CNTNAP5: variants seen among roughly 807,000 people sequenced by gnomAD.
CNTNAP5 encodes the protein contactin-associated protein-like 5.
In CNTNAP5, 72 loss-of-function variants were observed where a neutral mutation model predicts 150.2. The observed-to-expected ratio is 0.48, with a 90% CI of 0.40 to 0.58. CNTNAP5 has a LOEUF of 0.58. Ranked by LOEUF, CNTNAP5 falls within the 20% of genes least tolerant of loss-of-function variation. CNTNAP5 has a pLI of 0.00. For synonymous variants in CNTNAP5, 672 were observed against 619.8 expected (o/e 1.08, Z -1.25); for missense variants, 1,636 against 1,626.2 (o/e 1.01, Z -0.10).
intron 3 of CNTNAP5, among the ~76,000 whole-genome samples, chr2:124,277,027 T>C (rs568076850): frequency 5.9e-5 from 9 of 152,096 alleles, no homozygotes; most frequent in Non-Finnish European, 1.3e-4. Flanking sequence ...GTGAATTTAA[T>C]GACCTTGACA....
rs2104642152 is a variant in CNTNAP5, at chr2:124,050,592, A to C, written c.82+24860A>C. On this transcript the variant is annotated intron_variant, in intron 1 of 23. Coordinates refer to ENST00000682447, the MANE Select transcript of CNTNAP5 (RefSeq NM_001367498.1). The stretch of plus-strand genomic sequence containing the variant: ...CACTTTCCGGGGTGCTCCAGATTTC[A>C]AAATTCCCTCATGCCTGCCATCCTG... 2.0e-5 allele frequency among the ~76,000 whole-genome samples: 3 copies of C among 152,270 alleles called. No homozygotes were observed. In the Middle Eastern group the frequency reaches 0.01, roughly 518 times the overall value.
intron 6 of CNTNAP5, among the ~76,000 whole-genome samples, chr2:124,456,236 A>G (rs886580129): frequency 2.6e-5 from 4 of 152,086 alleles, no homozygotes; most frequent in African/African-American, 9.7e-5. Flanking sequence ...AAAAAAATCA[A>G]TGTAGCTCTT....
At chr2:124,555,032 C>G (rs1430290798) in intron 10 of CNTNAP5, among the ~76,000 whole-genome samples, 1 of 152,132 alleles carries the variant, frequency 6.6e-6, no homozygotes, top group African/African-American at 2.4e-5. Flanking sequence ...GGGTAAGGTT[C>G]TTCCTAAGAC....
chr2:124,377,398 TACCAG>T (rs1690676237), intron 3 of CNTNAP5, among the ~76,000 whole-genome samples: 1 of 152,072 alleles, frequency 6.6e-6, no homozygotes, highest in Non-Finnish European at 1.5e-5. Flanking sequence ...TATTAGGAGC[TACCAG>T]TAATTTCTGC....
chr2:124,807,002 G>A (rs1173186586), intron 19 of CNTNAP5, among the ~76,000 whole-genome samples: 1 of 151,750 alleles, frequency 6.6e-6, no homozygotes, highest in Non-Finnish European at 1.5e-5. Context: ...GAGGTTTAAG[G>A]ATTAAGAAAA....
chr2:124,840,582 G>A (rs1274955062), intron 19 of CNTNAP5, among the ~76,000 whole-genome samples: 1 of 152,034 alleles, frequency 6.6e-6, no homozygotes, highest in Non-Finnish European at 1.5e-5. Context: ...AGAACAGGTG[G>A]ACTCAGAGGC....
At chr2:124,062,854 G>A (rs79246797) in intron 1 of CNTNAP5, among the ~76,000 whole-genome samples, 61 of 152,146 alleles carry the variant, frequency 4.0e-4, no homozygotes, top group African/African-American at 1.4e-3. Flanking sequence ...AAGACACAAA[G>A]GGTCCTTTTG....
intron 3 of CNTNAP5, among the ~76,000 whole-genome samples, chr2:124,362,767 T>A (rs938873609): frequency 6.6e-6 from 1 of 152,168 alleles, no homozygotes; most frequent in Non-Finnish European, 1.5e-5. Flanking sequence ...AGAGTTCAGT[T>A]CCCTTAGCTC....
At chr2:124,360,581 T>G (rs1690170175) in intron 3 of CNTNAP5, among the ~76,000 whole-genome samples, 1 of 137,342 alleles carries the variant, frequency 7.3e-6, no homozygotes, top group African/African-American at 2.7e-5. Context: ...TTAGTTTGGC[T>G]GGATATGAAA....
At chr2:124,494,548 T>C (rs1463737320) in intron 7 of CNTNAP5, among the ~76,000 whole-genome samples, 1 of 152,158 alleles carries the variant, frequency 6.6e-6, no homozygotes, top group African/African-American at 2.4e-5. Flanking sequence ...CCACAAATAA[T>C]GCTTTACCAG....
intron 16 of CNTNAP5, among the ~76,000 whole-genome samples, chr2:124,764,779 T>C (rs1303927205): frequency 6.6e-6 from 1 of 152,194 alleles, no homozygotes; most frequent in African/African-American, 2.4e-5. Context: ...TTAAACATTT[T>C]GTATATAATC....
chr2:124,375,690 T>G (rs975951728), intron 3 of CNTNAP5, among the ~76,000 whole-genome samples: 5 of 152,202 alleles, frequency 3.3e-5, no homozygotes, highest in South Asian at 2.1e-4. Context: ...GCTATGATGA[T>G]GCAAGTTTTT....
intron 3 of CNTNAP5, among the ~76,000 whole-genome samples, chr2:124,278,421 G>A (rs540261852): frequency 5.8e-4 from 88 of 152,122 alleles, no homozygotes; most frequent in Non-Finnish European, 1.1e-3. Context: ...TATTCATTAC[G>A]CTCAGCTTTA....
At chr2:124,709,438 T>C (rs1249592664) in intron 13 of CNTNAP5, among the ~76,000 whole-genome samples, 2 of 152,178 alleles carry the variant, frequency 1.3e-5, no homozygotes, top group Non-Finnish European at 2.9e-5. Flanking sequence ...CTTACATAAA[T>C]ATAGAATGAA....
chr2:124,388,309 G>T (rs73952951), intron 3 of CNTNAP5, among the ~76,000 whole-genome samples: 2 of 152,140 alleles, frequency 1.3e-5, no homozygotes, highest in South Asian at 4.1e-4. Flanking sequence ...CTCCTGGTCT[G>T]CAGTGGCAGC....
intron 21 of CNTNAP5, among the ~76,000 whole-genome samples, chr2:124,893,187 G>T (rs1371041609): frequency 6.6e-6 from 1 of 152,096 alleles, no homozygotes; most frequent in Non-Finnish European, 1.5e-5. Context: ...TCTCAGCTCT[G>T]CCACTTTCTG....
intron 1 of CNTNAP5, among the ~76,000 whole-genome samples, chr2:124,131,218 T>C (rs1300277260): frequency 2.0e-5 from 3 of 152,158 alleles, no homozygotes; most frequent in African/African-American, 7.2e-5. Context: ...TTCTGATTTA[T>C]AAATTTTAGT....
chr2:124,709,033 C>G (rs1380051706), intron 13 of CNTNAP5, among the ~76,000 whole-genome samples: 5 of 152,154 alleles, frequency 3.3e-5, no homozygotes, highest in Non-Finnish European at 7.3e-5. Flanking sequence ...AGCAGAGCCT[C>G]TCTGGGCAAA....
At chr2:124,825,310 T>G (rs575513751) in intron 19 of CNTNAP5, among the ~76,000 whole-genome samples, 22 of 152,026 alleles carry the variant, frequency 1.4e-4, no homozygotes, top group Non-Finnish European at 3.1e-4. Flanking sequence ...TTTTTTAGAT[T>G]TTTATCATCT....
Sources: gnomAD v4.1 joint callset for allele counts (sites outside exome capture counted in the v4.1 genomes callset) on GRCh38, gnomAD v4.1.1 for gene constraint, MANE v1.5 for transcripts, NCBI Gene and HGNC (gene_info 2026-07-23, HGNC 2026-07-21) for gene names.